Variants in SENP7 observed in about 807,000 individuals in gnomAD.
The protein encoded by SENP7 is SUMO specific peptidase 7.
In SENP7, 64 loss-of-function variants were observed where a neutral mutation model predicts 141.2. The ratio of observed to expected loss-of-function variants is 0.45; its 90% CI spans 0.37 to 0.56. The LOEUF (loss-of-function observed/expected upper bound fraction) is 0.56. SENP7 is among the 20% of genes least tolerant of loss of function. The pLI is 0.00. For synonymous variants in SENP7, 382 were observed against 426.4 expected (o/e 0.90, Z 1.28); for missense variants, 1,025 against 1,212.2 (o/e 0.85, Z 2.29).
chr3:101,510,390 T>C (rs552119554), intron 1 of SENP7, among the ~76,000 whole-genome samples: 1 of 152,364 alleles, frequency 6.6e-6, no homozygotes, highest in South Asian at 2.1e-4. Context: ...TTTACAGTTC[T>C]TCCTTGTTTA....
At chr3:101,430,487 A>T (rs560117220) in intron 4 of SENP7, among the ~76,000 whole-genome samples, 32 of 152,164 alleles carry the variant, frequency 2.1e-4, no homozygotes, top group Non-Finnish European at 4.1e-4. Context: ...AAGTGTTTAT[A>T]GTATTCTCTG....
chr3:101,378,747 G>A (rs1485019529), intron 6 of SENP7, among the ~76,000 whole-genome samples: 1 of 151,722 alleles, frequency 6.6e-6, no homozygotes, highest in African/African-American at 2.4e-5. Context: ...ATAACACCTA[G>A]GCATATCATA....
intron 3 of SENP7, among the ~76,000 whole-genome samples, chr3:101,461,347 A>G (rs952458273): frequency 1.3e-5 from 2 of 152,164 alleles, no homozygotes; most frequent in Non-Finnish European, 2.9e-5. Context: ...TAAAAATATC[A>G]ATAACATTCT....
At chr3:101,366,097 T>C (rs2060031258) in intron 9 of SENP7, among the ~76,000 whole-genome samples, 3 of 152,220 alleles carry the variant, frequency 2.0e-5, no homozygotes, top group Admixed American at 6.5e-5. Flanking sequence ...AATAATCAGA[T>C]AGCACTTAAA....
chr3:101,409,087 T>C (rs35669002), intron 5 of SENP7, among the ~76,000 whole-genome samples: 60,363 of 152,062 alleles, frequency 0.4, 12,504 homozygotes, highest in Admixed American at 0.54. Context: ...GTAAAGTTTC[T>C]GGATACAAGA....
intron 3 of SENP7, among the ~76,000 whole-genome samples, chr3:101,468,278 C>T (rs555874917): frequency 6.6e-6 from 1 of 152,330 alleles, no homozygotes; most frequent in South Asian, 2.1e-4. Context: ...AGTTGGAAAA[C>T]ACTCCTCAGG....
chr3:101,507,073 A>T (rs2065650851), intron 1 of SENP7, among the ~76,000 whole-genome samples: 1 of 152,008 alleles, frequency 6.6e-6, no homozygotes, highest in Non-Finnish European at 1.5e-5. Context: ...AAAAAAAAAA[A>T]AAAAAAGAGC....
intron 7 of SENP7, among the ~76,000 whole-genome samples, chr3:101,371,340 C>A (rs563180182): frequency 6.6e-5 from 10 of 152,168 alleles, no homozygotes; most frequent in South Asian, 2.1e-4. Flanking sequence ...AGAAAGAAAG[C>A]AAGCAACAAA....
chr3:101,468,214 G>C (rs1021508606), intron 3 of SENP7, among the ~76,000 whole-genome samples: 13 of 152,300 alleles, frequency 8.5e-5, no homozygotes, highest in African/African-American at 3.1e-4. Context: ...TATGTGAAAA[G>C]ACCAAATCTA....
intron 6 of SENP7, among the ~76,000 whole-genome samples, chr3:101,390,648 A>T (rs1372947435): frequency 6.6e-6 from 1 of 152,246 alleles, no homozygotes; most frequent in Non-Finnish European, 1.5e-5. Context: ...CAATACAAAA[A>T]TAATGGGGGA....
chr3:101,364,769 A>G (rs1460127714), intron 10 of SENP7, 65 bp downstream of exon 10: 2 of 1,149,764 alleles, frequency 1.7e-6, no homozygotes, highest in East Asian at 2.8e-5. Flanking sequence ...GATAAAACAA[A>G]TAACAGTCAT....
intron 5 of SENP7, among the ~76,000 whole-genome samples, chr3:101,403,015 T>A (rs1258538323): frequency 1.3e-5 from 2 of 152,100 alleles, no homozygotes; most frequent in African/African-American, 2.4e-5. Context: ...AAACTGAAAA[T>A]CTTCCGGAAA....
At chr3:101,406,132 C>T (rs1271396758) in intron 5 of SENP7, among the ~76,000 whole-genome samples, 1 of 152,158 alleles carries the variant, frequency 6.6e-6, no homozygotes, top group Non-Finnish European at 1.5e-5. Flanking sequence ...GACATATGCA[C>T]ACATATGTTT....
chr3:101,371,472 T>C (rs528674269), intron 7 of SENP7, among the ~76,000 whole-genome samples: 1 of 152,338 alleles, frequency 6.6e-6, no homozygotes, highest in Admixed American at 6.5e-5. Context: ...TTTTTAATTC[T>C]TGAAAGAGAG....
chr3:101,506,757 C>T (rs547729446), intron 1 of SENP7, among the ~76,000 whole-genome samples: 1 of 152,164 alleles, frequency 6.6e-6, no homozygotes, highest in East Asian at 1.9e-4. Context: ...AAAGGCACAA[C>T]TGAACTGGGC....
chr3:101,387,175 A>G (rs2060680970), intron 6 of SENP7, among the ~76,000 whole-genome samples: 1 of 152,168 alleles, frequency 6.6e-6, no homozygotes, highest in African/African-American at 2.4e-5. Flanking sequence ...ATCAGAGAGC[A>G]TAAGACTAGG....
At chr3:101,453,227 A>G (rs2063215807) in intron 4 of SENP7, among the ~76,000 whole-genome samples, 1 of 152,222 alleles carries the variant, frequency 6.6e-6, no homozygotes, top group Admixed American at 6.5e-5. Context: ...CAGGTGCTGG[A>G]GAGAATGTGG....
At chr3:101,487,908 T>C (rs1285215685) in intron 3 of SENP7, among the ~76,000 whole-genome samples, 2 of 152,214 alleles carry the variant, frequency 1.3e-5, no homozygotes, top group African/African-American at 4.8e-5. Context: ...CCTCCAGCTT[T>C]ATTCTTTTTG....
Position 101,382,594 on chromosome 3 carries a change from A to C in SENP7, c.678-10468T>G, listed in dbSNP as rs2107503679. On this transcript the variant is annotated intron_variant, in intron 6 of 23. Transcript: ENST00000394095. ...TCCCAATGGGAAGTAAAATTTAAAA[A>C]TACTAAAACATTCTGCTCAGTCTGA... Among the ~76,000 whole-genome samples the C allele has an allele frequency of 1.3e-5, 2 of 152,372 alleles. 1 individual carries two copies. The highest frequency in any genetic ancestry group is 4.1e-4 in the South Asian group (2 of 4,830).
Sources: allele counts gnomAD v4.1 joint callset (sites outside exome capture counted in the v4.1 genomes callset), GRCh38; gene constraint gnomAD v4.1.1; transcripts MANE v1.5; gene names NCBI Gene and HGNC (gene_info 2026-07-23, HGNC 2026-07-21).